The following WDR93 variants were observed in gnomAD, a reference collection of about 807,000 sequenced individuals.
WDR93 encodes WD repeat domain 93.
In WDR93, 73 loss-of-function variants were observed where a neutral mutation model predicts 82.9. That is an observed-to-expected ratio of 0.88 (90% CI 0.73 to 1.07). The LOEUF is 1.07. Ranked by LOEUF, WDR93 falls within the 50% of genes least tolerant of loss-of-function variation. WDR93 has a pLI of 0.00. For missense variants in WDR93, 738 were observed against 826.0 expected (o/e 0.89, Z 1.31); for synonymous variants, 283 against 300.1 (o/e 0.94, Z 0.59).
intron 16 of WDR93, among the ~76,000 whole-genome samples, chr15:89,740,392 G>C (rs981483562): frequency 6.6e-6 from 1 of 152,348 alleles, no homozygotes; most frequent in East Asian, 1.9e-4. Flanking sequence ...GGTCTCATGA[G>C]TCTCTGGGGA....
intron 14 of WDR93, 98 bp from the exon 15 acceptor site, chr15:89,737,475 C>A: frequency 6.7e-7 from 1 of 1,486,994 alleles, no homozygotes; most frequent in Non-Finnish European, 9.2e-7. Flanking sequence ...TTATGTCCAG[C>A]TGCTTCTCTC....
intron 16 of WDR93, 108 bp from the exon 17 acceptor site, chr15:89,743,184 C>T: frequency 9.2e-7 from 1 of 1,085,002 alleles, no homozygotes; most frequent in South Asian, 1.3e-5. Context: ...CAGGTGTGTC[C>T]TCTTAGAGTT....
chr15:89,712,275 T>A (rs1296870842), intron 5 of WDR93, among the ~76,000 whole-genome samples, 171 bp downstream of exon 5: 5 of 152,062 alleles, frequency 3.3e-5, no homozygotes, highest in Non-Finnish European at 5.9e-5. Flanking sequence ...TCCCTAATAT[T>A]AATGTTCAAC....
In WDR93 at chr15:89,729,101, A is replaced by G. The variant is rs1966840614; in HGVS notation, c.1123+8A>G. On this transcript the variant is annotated splice_region_variant and intron_variant, in intron 10 of 16. Coordinates refer to ENST00000268130, the MANE Select transcript of WDR93 (RefSeq NM_020212.2). ...AAGTCAAGGGCCCCTCAGGTAAATG[A>G]ACATGAAGTGGGTGGTTGTCCTAGC... 6.2e-7 allele frequency: 1 copy of G among 1,613,516 alleles called. No individual in the cohort carries two copies. The highest frequency in any genetic ancestry group is 1.3e-5 in the African/African-American group (1 of 75,038).
At position 89,743,361 on chromosome 15, in the gene WDR93, G is replaced by C; in HGVS notation, c.2031G>C (p.Leu677Phe). ...GGGCCCGGCTTCAGAGGTACTCCTT[G>C]TCGCTCCAGAGAGAGAACTTCAAGA... ...EHWARLQRYS[L>F]SLQRENFKK Residue 677 changes from leucine (L) to phenylalanine (F), a missense_variant, in exon 17 of 17, where the codon TTG becomes TTC. Leu to Phe is a conservative substitution (Grantham distance 22). Coordinates refer to ENST00000268130, the MANE Select transcript of WDR93 (RefSeq NM_020212.2). 6.2e-7 allele frequency: 1 copy of C among 1,614,166 alleles called. No homozygotes were observed. The highest frequency in any genetic ancestry group is 8.5e-7 in the Non-Finnish European group (1 of 1,180,020).
At chr15:89,711,265 C>T (rs149723999) in intron 4 of WDR93, among the ~76,000 whole-genome samples, 2 of 152,088 alleles carry the variant, frequency 1.3e-5, no homozygotes, top group Non-Finnish European at 2.9e-5. Context: ...ATCCAGTTCA[C>T]AATGCGAAAA....
chr15:89,729,401 T>C (rs978585302), intron 10 of WDR93, among the ~76,000 whole-genome samples: 1 of 152,218 alleles, frequency 6.6e-6, no homozygotes, highest in South Asian at 2.1e-4. Context: ...CTTAAAACAC[T>C]GAGGGTGTGA....
rs1199573429 is a variant in WDR93, at chr15:89,737,568, C to A, written c.1609-5C>A. Reference sequence around the variant, plus strand: ...AGCCCCCCTCACCATCTCTTTGCTTCCCAGGTGCTCATCTTTTCCAAGAAT... The same window carrying A: ...AGCCCCCCTCACCATCTCTTTGCTTACCAGGTGCTCATCTTTTCCAAGAAT... On this transcript the variant is annotated splice_polypyrimidine_tract_variant and splice_region_variant and intron_variant, in intron 14 of 16. Transcript: ENST00000268130. The A allele has an allele frequency of 6.2e-7, 1 of 1,614,200 alleles. No individual in the cohort carries two copies. The highest frequency in any genetic ancestry group is 1.1e-5 in the South Asian group (1 of 91,084).
At chr15:89,740,959 G>C (rs1204357657) in intron 16 of WDR93, among the ~76,000 whole-genome samples, 1 of 151,926 alleles carries the variant, frequency 6.6e-6, no homozygotes, top group African/African-American at 2.4e-5. Context: ...GGCCAAAATG[G>C]TGAAACCCCG....
At chr15:89,718,029 C>T (rs893170901) in intron 7 of WDR93, among the ~76,000 whole-genome samples, 13 of 152,242 alleles carry the variant, frequency 8.5e-5, no homozygotes, top group African/African-American at 3.1e-4. Flanking sequence ...CGCTAGAGCC[C>T]CTTCTTTTTT....
Position 89,733,060 on chromosome 15 carries a change from A to C in WDR93, c.1385A>C (p.His462Pro). The change falls in exon 13 of 17, where the codon CAC becomes CCC. Residue 462 changes from histidine (H) to proline (P), a missense_variant. Physicochemically the swap from His to Pro is moderately conservative, Grantham distance 77. Transcript: ENST00000268130. ...LPQGCFCQSIHFLKYFSVHKG... is the reference protein window; with the variant it reads ...LPQGCFCQSIPFLKYFSVHKG... ...CAGGGATGTTTCTGCCAAAGCATTC[A>C]CTTCCTAAAATATTTCTCGGTCCAC... 1 of 1,614,026 alleles carries C rather than the reference A, an allele frequency of 6.2e-7. No individual in the cohort carries two copies. Among genetic ancestry groups the C allele is most frequent in the Non-Finnish European group, 8.5e-7 (1 of 1,180,010 alleles).
chr15:89,702,233 G>T (rs1473947337), intron 2 of WDR93, among the ~76,000 whole-genome samples, 184 bp downstream of exon 2: 1 of 152,122 alleles, frequency 6.6e-6, no homozygotes, highest in Non-Finnish European at 1.5e-5. Context: ...GGAAATATGG[G>T]GTGTTCTGGT....
chr15:89,704,959 A>C (rs1245379648), intron 3 of WDR93: 2 of 154,530 alleles, frequency 1.3e-5, no homozygotes, highest in African/African-American at 4.8e-5. Flanking sequence ...TATAGTATAG[A>C]GAGGCAAGTC....
At chr15:89,726,501 G>C (rs1371137) in intron 8 of WDR93, among the ~76,000 whole-genome samples, 63,034 of 152,076 alleles carry the variant, frequency 0.41, 13,543 homozygotes, top group African/African-American at 0.46. Context: ...GGAATCTCCT[G>C]GGCAACTTGA....
At chr15:89,703,418 C>G in intron 3 of WDR93, 1 of 466,618 alleles carries the variant, frequency 2.1e-6, no homozygotes, top group African/African-American at 2.0e-5. Flanking sequence ...AGCTAAATAA[C>G]TTATTTGAGG....
chr15:89,723,611 G>A (rs1159977110), intron 8 of WDR93, among the ~76,000 whole-genome samples: 1 of 152,132 alleles, frequency 6.6e-6, no homozygotes, highest in Admixed American at 6.5e-5. Flanking sequence ...ATGAAATATA[G>A]AAATATAGAT....
intron 1 of WDR93, among the ~76,000 whole-genome samples, chr15:89,699,301 AG>A (rs1965341223): frequency 6.6e-6 from 1 of 152,126 alleles, no homozygotes; most frequent in Non-Finnish European, 1.5e-5. Flanking sequence ...AGAATACCAG[AG>A]TGACAAGTTT....
intron 6 of WDR93, 119 bp from the exon 7 acceptor site, chr15:89,716,792 G>A (rs2141645290): frequency 1.4e-6 from 1 of 733,560 alleles, no homozygotes; most frequent in East Asian, 2.9e-5. Flanking sequence ...CTCCACATCT[G>A]TTGCATGAAT....
chr15:89,737,897 AG>A, intron 15 of WDR93, 143 bp from the exon 16 acceptor site: 1 of 1,305,294 alleles, frequency 7.7e-7, no homozygotes, highest in Non-Finnish European at 1.1e-6. Context: ...AAATGCCAGC[AG>A]GGTCTTCTCT....
Sources: allele counts gnomAD v4.1 joint callset (sites outside exome capture counted in the v4.1 genomes callset), GRCh38; gene constraint gnomAD v4.1.1; transcripts MANE v1.5; gene names NCBI Gene and HGNC (gene_info 2026-07-23, HGNC 2026-07-21).